SGK1: variants seen among roughly 807,000 people sequenced by gnomAD.
The protein encoded by SGK1 is serine/threonine-protein kinase Sgk1.
Under a neutral mutation model 64.2 loss-of-function variants are expected in SGK1, and 26 were observed. The observed-to-expected ratio is 0.40, with a 90% CI of 0.30 to 0.56. The LOEUF (loss-of-function observed/expected upper bound fraction) is 0.56. Among genes scored for constraint, SGK1 ranks in the 20% least tolerant of loss-of-function variants. SGK1 has a pLI of 0.38. For synonymous variants in SGK1, 265 were observed against 239.7 expected (o/e 1.11, Z -0.98); for missense variants, 519 against 645.6 (o/e 0.80, Z 2.12).
intron 3 of SGK1, among the ~76,000 whole-genome samples, chr6:134,192,702 T>G (rs1265559128): frequency 6.6e-6 from 1 of 151,544 alleles, no homozygotes; most frequent in Non-Finnish European, 1.5e-5. Flanking sequence ...CCCGAGTAGC[T>G]GGGATTACAG....
chr6:134,272,935 CTATT>C (rs1195857018), intron 1 of SGK1, among the ~76,000 whole-genome samples: 2 of 148,184 alleles, frequency 1.3e-5, no homozygotes, highest in African/African-American at 2.4e-5. Flanking sequence ...GGTTCAACAA[CTATT>C]TGCCTGGCAT....
At chr6:134,292,485 C>T (rs996881470) in intron 1 of SGK1, among the ~76,000 whole-genome samples, 5 of 151,882 alleles carry the variant, frequency 3.3e-5, no homozygotes, top group African/African-American at 9.7e-5. Flanking sequence ...CCCAGCTACT[C>T]GGGAGGCTGA....
intron 2 of SGK1, among the ~76,000 whole-genome samples, chr6:134,251,112 TGTAGA>T (rs949214808): frequency 5.3e-5 from 8 of 152,158 alleles, no homozygotes; most frequent in African/African-American, 1.7e-4. Flanking sequence ...ATTTGTTCTT[TGTAGA>T]GTAGTTTTCA....
chr6:134,264,286 A>AT (rs1262833486), intron 1 of SGK1, among the ~76,000 whole-genome samples: 2 of 151,664 alleles, frequency 1.3e-5, no homozygotes, highest in Admixed American at 6.6e-5. Context: ...TGCCTGGCTA[A>AT]TTTTTTGTAT....
rs571244946 is a variant in SGK1, at chr6:134,187,420, TTTCCACCCC to T, written c.362-12843_362-12835del. Among the ~76,000 whole-genome samples the T allele has an allele frequency of 5.4e-3, 816 of 152,226 alleles. 8 individuals carry two copies. The highest frequency in any genetic ancestry group is 0.017 in the African/African-American group (721 of 41,552). ...GGAATAGTGAGTGGTGCCACTCCCA[TTTCCACCCC>T]TTCCACCCCTTCCATTTCTGGACCT... On this transcript the variant is annotated intron_variant, in intron 3 of 13. Coordinates refer to ENST00000367858, the MANE Select transcript of SGK1 (RefSeq NM_001143676.3).
At chr6:134,177,252 CAAAAA>C (rs1175257516) in intron 3 of SGK1, among the ~76,000 whole-genome samples, 1 of 151,640 alleles carries the variant, frequency 6.6e-6, no homozygotes, top group Non-Finnish European at 1.5e-5. Flanking sequence ...AAAACAAAAA[CAAAAA>C]AAACACTAGT....
rs543119371 is a variant in SGK1 at position 134,179,033 on chromosome 6, A to C, written c.362-4447T>G. On this transcript the variant is annotated intron_variant, in intron 3 of 13. Coordinates refer to ENST00000367858, the MANE Select transcript of SGK1 (RefSeq NM_001143676.3). ...TCACTCTATAGTCTGATGGACTATA[A>C]ATGCTAAAACCTGAGAGCTTCACAA... Among the ~76,000 whole-genome samples, 5 of 152,314 alleles carry C rather than the reference A, an allele frequency of 3.3e-5. No homozygotes were observed. In the East Asian group the frequency reaches 7.7e-4, roughly 23 times the overall value.
intron 3 of SGK1, chr6:134,177,512 C>T (rs1490547115): frequency 1.5e-6 from 1 of 687,158 alleles, no homozygotes; most frequent in Non-Finnish European, 2.4e-6. Context: ...TCAACCTGCA[C>T]ACAGACTTTT....
At chr6:134,243,938 TTTTA>T (rs752141704) in intron 2 of SGK1, among the ~76,000 whole-genome samples, 57 of 152,074 alleles carry the variant, frequency 3.7e-4, no homozygotes, top group Non-Finnish European at 7.4e-4. Context: ...TAAACAATAG[TTTTA>T]TTTATTTATT....
At chr6:134,180,865 C>T (rs1010287891) in intron 3 of SGK1, among the ~76,000 whole-genome samples, 2 of 123,194 alleles carry the variant, frequency 1.6e-5, no homozygotes, top group African/African-American at 6.8e-5. Flanking sequence ...AAGTGAGATC[C>T]TATCTCAAAA....
At chr6:134,215,134 C>CTTTTTTTTTTTTTTT in intron 2 of SGK1, 1 of 390,546 alleles carries the variant, frequency 2.6e-6, no homozygotes, top group Non-Finnish European at 4.9e-6. Context: ...TTCTTTCTTT[C>CTTTTTTTTTTTTTTT]TTTTTTTTTT....
At chr6:134,239,795 T>C (rs1313002032) in intron 2 of SGK1, among the ~76,000 whole-genome samples, 1 of 152,196 alleles carries the variant, frequency 6.6e-6, no homozygotes, top group African/African-American at 2.4e-5. Context: ...CTCTAACCTA[T>C]CTGCAAATTA....
At chr6:134,211,263 A>G (rs1775885593) in intron 2 of SGK1, among the ~76,000 whole-genome samples, 1 of 152,246 alleles carries the variant, frequency 6.6e-6, no homozygotes, top group Non-Finnish European at 1.5e-5. Flanking sequence ...ATAAATATGT[A>G]AGTGGTCTAT....
intron 2 of SGK1, among the ~76,000 whole-genome samples, chr6:134,238,312 C>T (rs1776393902): frequency 6.6e-6 from 1 of 152,148 alleles, no homozygotes; most frequent in Non-Finnish European, 1.5e-5. Flanking sequence ...AAATCTAGTT[C>T]AACTCCCTCA....
At chr6:134,188,896 C>T (rs932877949) in intron 3 of SGK1, among the ~76,000 whole-genome samples, 1 of 144,016 alleles carries the variant, frequency 6.9e-6, no homozygotes, top group Non-Finnish European at 1.5e-5. Flanking sequence ...CCATGCCTAG[C>T]TATTTCTTTT....
intron 2 of SGK1, among the ~76,000 whole-genome samples, chr6:134,238,343 T>C (rs1776394099): frequency 6.6e-6 from 1 of 152,176 alleles, no homozygotes; most frequent in Non-Finnish European, 1.5e-5. Flanking sequence ...GGATTAGATA[T>C]AAAAAGTGCT....
intron 2 of SGK1, among the ~76,000 whole-genome samples, chr6:134,232,667 A>G (rs1776308278): frequency 6.6e-6 from 1 of 152,136 alleles, no homozygotes. Context: ...CCTGGCCAAC[A>G]TGGCGAAAAC....
intron 2 of SGK1, among the ~76,000 whole-genome samples, chr6:134,227,051 C>T (rs1470978231): frequency 6.6e-6 from 1 of 152,196 alleles, no homozygotes; most frequent in Non-Finnish European, 1.5e-5. Flanking sequence ...TCTTTCCCCA[C>T]CTCCTGCCCA....
intron 2 of SGK1, among the ~76,000 whole-genome samples, chr6:134,252,724 T>C (rs1432890228): frequency 6.6e-6 from 1 of 151,684 alleles, no homozygotes; most frequent in Non-Finnish European, 1.5e-5. Flanking sequence ...TTGTTTTACG[T>C]GCTTTCTCAA....
Sources: allele counts gnomAD v4.1 joint callset (sites outside exome capture counted in the v4.1 genomes callset), GRCh38; gene constraint gnomAD v4.1.1; transcripts MANE v1.5; gene names NCBI Gene and HGNC (gene_info 2026-07-23, HGNC 2026-07-21).